Variants in PCDH11X observed in about 807,000 individuals in gnomAD.
The protein encoded by PCDH11X is protocadherin-11 X-linked.
PCDH11X carries 18 observed loss-of-function variants against 53.3 expected under a neutral mutation model. The ratio of observed to expected loss-of-function variants is 0.34; its 90% CI spans 0.23 to 0.50. The LOEUF (loss-of-function observed/expected upper bound fraction) is 0.50, where lower values mean the gene tolerates loss of function less well. Ranked by LOEUF, PCDH11X falls within the 20% of genes least tolerant of loss-of-function variation. The probability of loss-of-function intolerance (pLI) is 0.98; values close to 1 mark genes in which losing one functional copy is unlikely to be tolerated. For missense variants in PCDH11X, 570 were observed against 1,032.4 expected (o/e 0.55, Z 6.14); for synonymous variants, 279 against 393.3 (o/e 0.71, Z 3.44).
intron 9 of PCDH11X, among the ~76,000 whole-genome samples, chrX:92,453,873 G>T (rs2148650143): frequency 9.1e-6 from 1 of 110,224 alleles, no homozygotes; most frequent in African/African-American, 3.3e-5. Context: ...GTACCTACTT[G>T]CTTTGTGTGC....
chrX:92,268,874 C>T (rs1195042836), intron 8 of PCDH11X, among the ~76,000 whole-genome samples: 1 of 112,243 alleles, frequency 8.9e-6, no homozygotes. Flanking sequence ...AACCTCGTCT[C>T]TACTAAAAAT....
At position 92,040,691 on chromosome X, in the gene PCDH11X, G is replaced by T. The variant is rs905596917; in HGVS notation, c.3034-160684G>T. 1.6e-4 allele frequency among the ~76,000 whole-genome samples: 18 copies of T among 110,961 alleles called. No homozygotes were observed. In the Admixed American group the frequency reaches 1.7e-3, roughly 11 times the overall value. On this transcript the variant is annotated intron_variant, in intron 6 of 10. Transcript: ENST00000682573. The stretch of plus-strand genomic sequence containing the variant: ...TTATGACATTGCTTTTTGTGTGTGT[G>T]TAGTTAGTTGTTAGACTTTTATGTT...
chrX:92,101,213 A>T (rs1240391362), intron 6 of PCDH11X, among the ~76,000 whole-genome samples: 27 of 111,518 alleles, frequency 2.4e-4, no homozygotes, highest in African/African-American at 4.2e-4. Context: ...TTGAGAACGG[A>T]GAATAGGAGT....
chrX:92,491,920 A>C (rs1026750207), intron 10 of PCDH11X, among the ~76,000 whole-genome samples: 6 of 111,611 alleles, frequency 5.4e-5, no homozygotes, highest in African/African-American at 1.6e-4. Context: ...TCCTTTTTTA[A>C]GGCTGAATAA....
intron 4 of PCDH11X, among the ~76,000 whole-genome samples, chrX:91,829,269 T>A (rs1464444160): frequency 9.1e-6 from 1 of 109,334 alleles, no homozygotes; most frequent in Non-Finnish European, 1.9e-5. Flanking sequence ...GCCTTATATA[T>A]AAAACTCATA....
intron 6 of PCDH11X, among the ~76,000 whole-genome samples, chrX:92,053,095 G>A (rs779770325): frequency 1.8e-5 from 2 of 111,313 alleles, no homozygotes; most frequent in South Asian, 7.4e-4. Context: ...TTAATTATTA[G>A]TACTATTCAT....
chrX:92,346,710 A>G (rs1249930232), intron 8 of PCDH11X, among the ~76,000 whole-genome samples: 1 of 112,104 alleles, frequency 8.9e-6, no homozygotes, highest in African/African-American at 3.2e-5. Context: ...TTGACGTTCA[A>G]TAATTCATTC....
intron 10 of PCDH11X, among the ~76,000 whole-genome samples, chrX:92,557,698 A>T (rs772105216): frequency 9.2e-6 from 1 of 108,635 alleles, no homozygotes; most frequent in South Asian, 4.0e-4. Context: ...AGAGCCCTCC[A>T]AGCTGTTTCA....
intron 6 of PCDH11X, among the ~76,000 whole-genome samples, chrX:91,880,856 A>G (rs903758609): frequency 6.4e-5 from 7 of 109,103 alleles, no homozygotes; most frequent in Non-Finnish European, 1.3e-4. Context: ...GGGCACTCTC[A>G]TTTTCAAATT....
chrX:92,552,249 T>C, intron 10 of PCDH11X, among the ~76,000 whole-genome samples: 1 of 98,326 alleles, frequency 1.0e-5, no homozygotes, highest in Admixed American at 1.1e-4. Flanking sequence ...TAGCTTTCAT[T>C]ACAGAGATCT....
intron 8 of PCDH11X, among the ~76,000 whole-genome samples, chrX:92,336,233 C>T (rs185094851): frequency 9.0e-6 from 1 of 111,424 alleles, no homozygotes; most frequent in Non-Finnish European, 1.9e-5. Flanking sequence ...CATGGAAGAT[C>T]CTTTTTCAAA....
rs1022603345 is a variant in PCDH11X, at chrX:92,212,922, T to C, written c.3114+11467T>C. Among the ~76,000 whole-genome samples, 17 of 112,689 alleles carry C rather than the reference T, an allele frequency of 1.5e-4. No individual in the cohort carries two copies. In the South Asian group the frequency reaches 6.2e-3, roughly 41 times the overall value. On this transcript the variant is annotated intron_variant, in intron 7 of 10. Transcript: ENST00000682573. ...GAATGTGTTTCTTTGGTATGATTTC[T>C]TTAAGTTGTATGGAAAATGTGTATG...
intron 6 of PCDH11X, among the ~76,000 whole-genome samples, chrX:92,166,770 T>A (rs1023999402): frequency 9.0e-6 from 1 of 110,855 alleles, no homozygotes; most frequent in Non-Finnish European, 1.9e-5. Flanking sequence ...TAGTGGCATG[T>A]GCTTGTAGAC....
chrX:91,782,985 C>A (rs764281522), intron 1 of PCDH11X, among the ~76,000 whole-genome samples: 3 of 111,455 alleles, frequency 2.7e-5, no homozygotes, highest in Non-Finnish European at 3.8e-5. Context: ...AGGCAACTGG[C>A]GCCTGGAGCA....
At chrX:91,822,028 T>G (rs1369375549) in intron 4 of PCDH11X, among the ~76,000 whole-genome samples, 1 of 106,509 alleles carries the variant, frequency 9.4e-6, no homozygotes. Flanking sequence ...TGAAGCCCAC[T>G]TGATCATGGT....
In PCDH11X at chrX:91,877,850, T is replaced by G. The variant is rs753784385; in HGVS notation, c.1610T>G (p.Leu537Ter). Reference sequence around the variant, plus strand: ...GATAGAGAAAAAGAGGATAAATATTTATTCACAATTCTGGCAAAAGATAAC... The same window carrying G: ...GATAGAGAAAAAGAGGATAAATATTGATTCACAATTCTGGCAAAAGATAAC... ...KLDREKEDKY[L>*]FTILAKDNGV... Residue 537 changes from leucine to a stop codon, truncating the protein, a stop_gained, in exon 6 of 11, where the codon TTA (leucine) becomes TGA (stop). Coordinates refer to ENST00000682573, the MANE Select transcript of PCDH11X (RefSeq NM_032968.5). LOFTEE classifies it high-confidence loss of function. 1.7e-6 allele frequency: 2 copies of G among 1,209,808 alleles called. No homozygotes were observed. The highest frequency in any genetic ancestry group is 2.2e-6 in the Non-Finnish European group (2 of 895,152).
chrX:92,577,524 AT>A lies in PCDH11X; in HGVS notation c.3368-40729del, dbSNP rs34542382. 3.6e-3 allele frequency among the ~76,000 whole-genome samples: 367 copies of A among 103,189 alleles called. 1 individual carries two copies. Among genetic ancestry groups the A allele is most frequent in the Admixed American group, 6.9e-3 (67 of 9,642 alleles). The allele number at this position is 103,189 out of a possible 115,157, so 89.6% of individuals were successfully genotyped here. A position where few individuals can be genotyped will look rare whatever the true frequency, so the allele number is the denominator to read the frequency against. On this transcript the variant is annotated intron_variant, in intron 10 of 10. Transcript: ENST00000682573. ...CAAGATTAGTTGAGTTTTTGAAGAG[AT>A]TTTTTTTTTTCTATCTTTTTCAGGT...
intron 9 of PCDH11X, among the ~76,000 whole-genome samples, chrX:92,403,339 G>GTTTTTTTTTTTTTTTTTTTTTTT (rs1191277649): frequency 1.4e-4 from 7 of 49,349 alleles, no homozygotes; most frequent in Admixed American, 3.2e-4. Flanking sequence ...GTTTTTTTTT[G>GTTTTTTTTTTTTTTTTTTTTTTT]TTTTTTTTTT....
At chrX:91,933,658 G>A (rs1020713164) in intron 6 of PCDH11X, among the ~76,000 whole-genome samples, 3 of 110,985 alleles carry the variant, frequency 2.7e-5, no homozygotes, top group Non-Finnish European at 5.7e-5. Context: ...CAAAATATTC[G>A]CTAGTTTCTT....
Sources: allele counts gnomAD v4.1 joint callset (sites outside exome capture counted in the v4.1 genomes callset), GRCh38; gene constraint gnomAD v4.1.1; transcripts MANE v1.5; gene names NCBI Gene and HGNC (gene_info 2026-07-23, HGNC 2026-07-21).